TRIM33: variants seen among roughly 807,000 people sequenced by gnomAD.
TRIM33 encodes the protein tripartite motif containing 33, also known as E3 ubiquitin-protein ligase TRIM33.
TRIM33 carries 20 observed loss-of-function variants against 125.4 expected under a neutral mutation model. That is an observed-to-expected ratio of 0.16 (90% CI 0.11 to 0.23). The LOEUF is 0.23. Among genes scored for constraint, TRIM33 ranks in the 10% least tolerant of loss-of-function variants. TRIM33 has a pLI of 1.00. For missense variants in TRIM33, 920 were observed against 1,411.4 expected, an observed-to-expected ratio of 0.65 and a Z score of 5.58; for synonymous variants, 564 against 513.9, an observed-to-expected ratio of 1.10 and a Z score of -1.32.
chr1:114,459,322 T>A (rs1649810563), intron 4 of TRIM33, among the ~76,000 whole-genome samples: 1 of 152,094 alleles, frequency 6.6e-6, no homozygotes, highest in Non-Finnish European at 1.5e-5. Context: ...TGAATCTCCA[T>A]AAAAACCTGA....
At chr1:114,488,378 G>T (rs142061993) in intron 1 of TRIM33, among the ~76,000 whole-genome samples, 1 of 152,156 alleles carries the variant, frequency 6.6e-6, no homozygotes, top group East Asian at 1.9e-4. Flanking sequence ...ACTAAATAAA[G>T]ACCAGAAGAG....
chr1:114,395,335 A>G lies in TRIM33; in HGVS notation c.*2313T>C, dbSNP rs563338093. The G allele has an allele frequency of 9.8e-6, 2 of 203,808 alleles. No homozygotes were observed. The highest frequency in any genetic ancestry group is 1.2e-4 in the Admixed American group (2 of 16,806). 12.6% of individuals were successfully genotyped at this position (203,808 alleles called of 1,614,324 possible). A position where few individuals can be genotyped will look rare whatever the true frequency, so the allele number is the denominator to read the frequency against. On this transcript the variant is annotated 3_prime_UTR_variant, in exon 20 of 20. Coordinates refer to ENST00000358465, the MANE Select transcript of TRIM33 (RefSeq NM_015906.4). Reference sequence around the variant, plus strand: ...TTTAACCAATCTTAAAACCAAAAAAACCTAAAAACTCTATCTAACATGTAA... The same window carrying G: ...TTTAACCAATCTTAAAACCAAAAAAGCCTAAAAACTCTATCTAACATGTAA...
intron 1 of TRIM33, among the ~76,000 whole-genome samples, chr1:114,487,164 T>TA (rs1391075161): frequency 1.4e-5 from 2 of 147,448 alleles, no homozygotes; most frequent in Non-Finnish European, 3.0e-5. Context: ...AACCTACATA[T>TA]AAAAAAACTG....
At chr1:114,504,279 C>T (rs1198728689) in intron 1 of TRIM33, among the ~76,000 whole-genome samples, 2 of 152,176 alleles carry the variant, frequency 1.3e-5, no homozygotes, top group Admixed American at 6.5e-5. Context: ...AATTCTCCCA[C>T]TTCAGTCTCC....
chr1:114,466,843 C>G, intron 1 of TRIM33, among the ~76,000 whole-genome samples: 1 of 152,348 alleles, frequency 6.6e-6, no homozygotes, highest in Middle Eastern at 3.4e-3. Flanking sequence ...CCGATCTGCT[C>G]GCCTTGGCCT....
At chr1:114,430,160 C>T (rs1057360597) in intron 6 of TRIM33, among the ~76,000 whole-genome samples, 2 of 151,942 alleles carry the variant, frequency 1.3e-5, no homozygotes, top group Admixed American at 6.6e-5. Flanking sequence ...TAAATTGAGG[C>T]CCCATCTTAA....
chr1:114,420,560 C>A, intron 11 of TRIM33: 1 of 526,914 alleles, frequency 1.9e-6, no homozygotes, highest in Non-Finnish European at 3.5e-6. Flanking sequence ...TTCATACGAC[C>A]TTCAATTCCC....
chr1:114,401,565 C>G (rs767830951), intron 16 of TRIM33, 102 bp from the exon 17 acceptor site: 33 of 891,750 alleles, frequency 3.7e-5, no homozygotes, highest in Non-Finnish European at 5.2e-5. Context: ...TTACAACAAA[C>G]TGAACACAAG....
chr1:114,461,658 T>G (rs925822255), intron 4 of TRIM33, among the ~76,000 whole-genome samples: 1 of 152,138 alleles, frequency 6.6e-6, no homozygotes, highest in Non-Finnish European at 1.5e-5. Flanking sequence ...AACTTTGAGG[T>G]GGCAATGCCG....
intron 11 of TRIM33, chr1:114,420,296 C>T: frequency 3.1e-6 from 2 of 652,108 alleles, no homozygotes; most frequent in Non-Finnish European, 5.2e-6. Context: ...AAAGTGTCTA[C>T]TATCTTGGCC....
intron 11 of TRIM33, among the ~76,000 whole-genome samples, chr1:114,412,039 A>C (rs1652624659): frequency 6.6e-6 from 1 of 151,892 alleles, no homozygotes; most frequent in South Asian, 2.1e-4. Context: ...AAAATAATCA[A>C]CGAACATAAG....
At chr1:114,488,092 T>C (rs1236304606) in intron 1 of TRIM33, among the ~76,000 whole-genome samples, 3 of 152,114 alleles carry the variant, frequency 2.0e-5, no homozygotes, top group Non-Finnish European at 2.9e-5. Flanking sequence ...GTAAAACGTC[T>C]ATACTTCACT....
At chr1:114,462,137 A>C (rs1275997218) in intron 4 of TRIM33, among the ~76,000 whole-genome samples, 1 of 152,158 alleles carries the variant, frequency 6.6e-6, no homozygotes, top group Non-Finnish European at 1.5e-5. Context: ...TCTTACACTT[A>C]AAACCGTCAT....
chr1:114,457,477 A>G (rs183786786), intron 4 of TRIM33, among the ~76,000 whole-genome samples: 277 of 152,342 alleles, frequency 1.8e-3, no homozygotes, highest in African/African-American at 6.5e-3. Flanking sequence ...CCTGAAATTC[A>G]AAACAGCCAT....
At chr1:114,479,434 T>C (rs542181657) in intron 1 of TRIM33, among the ~76,000 whole-genome samples, 1 of 152,282 alleles carries the variant, frequency 6.6e-6, no homozygotes, top group East Asian at 1.9e-4. Context: ...CATCTGACTT[T>C]TCATTAAAAA....
intron 4 of TRIM33, among the ~76,000 whole-genome samples, chr1:114,447,959 T>TA (rs1396091951): frequency 6.6e-6 from 1 of 152,182 alleles, no homozygotes; most frequent in African/African-American, 2.4e-5. Flanking sequence ...CAGGAGGAAT[T>TA]AGAGACCATA....
chr1:114,470,783 G>A (rs1204367166), intron 1 of TRIM33, among the ~76,000 whole-genome samples: 21 of 152,164 alleles, frequency 1.4e-4, no homozygotes, highest in Non-Finnish European at 2.9e-5. Flanking sequence ...GCCTAGTTGT[G>A]AATGCAAAGG....
intron 3 of TRIM33, 70 bp downstream of exon 3, chr1:114,463,342 A>G: frequency 6.4e-7 from 1 of 1,556,308 alleles, no homozygotes. Context: ...GAATAAGTAG[A>G]AAATTCTATA....
chr1:114,423,440 A>G (rs1418357523), intron 10 of TRIM33, among the ~76,000 whole-genome samples: 2 of 152,168 alleles, frequency 1.3e-5, no homozygotes, highest in East Asian at 1.9e-4. Flanking sequence ...GGTTTTTTTA[A>G]CTTTATAGCA....
Sources: allele counts gnomAD v4.1 joint callset (sites outside exome capture counted in the v4.1 genomes callset), GRCh38; gene constraint gnomAD v4.1.1; transcripts MANE v1.5; gene names NCBI Gene and HGNC (gene_info 2026-07-23, HGNC 2026-07-21).